Variants in SUPT3H observed in about 807,000 individuals in gnomAD.
SUPT3H encodes SPT3 homolog, SAGA and STAGA complex component.
A neutral mutation model predicts 44.3 loss-of-function variants in SUPT3H; 44 were observed. That is an observed-to-expected ratio of 0.99 (90% CI 0.78 to 1.28). The LOEUF is 1.28. Among genes scored for constraint, SUPT3H ranks in the 50% most tolerant of loss-of-function variants. The probability of loss-of-function intolerance (pLI) is 0.00; values close to 1 mark genes in which losing one functional copy is unlikely to be tolerated. For synonymous variants in SUPT3H, 124 were observed against 125.6 expected (o/e 0.99, Z 0.09); for missense variants, 380 against 387.1 (o/e 0.98, Z 0.15).
chr6:44,939,204 T>G (rs1055307564), intron 9 of SUPT3H, among the ~76,000 whole-genome samples: 76 of 152,190 alleles, frequency 5.0e-4, no homozygotes, highest in African/African-American at 1.4e-3. Flanking sequence ...GGCTGTGGGT[T>G]TGTAGTATAT....
intron 9 of SUPT3H, among the ~76,000 whole-genome samples, chr6:44,939,330 A>G (rs1401537338): frequency 3.1e-5 from 4 of 130,804 alleles, no homozygotes; most frequent in Non-Finnish European, 6.8e-5. Flanking sequence ...GATAATCACG[A>G]TTTTTGTCCT....
chr6:45,133,619 T>C (rs987463272), intron 2 of SUPT3H, among the ~76,000 whole-genome samples: 1 of 152,160 alleles, frequency 6.6e-6, no homozygotes, highest in African/African-American at 2.4e-5. Flanking sequence ...AAATCTGAGA[T>C]GTGATTATTC....
intron 2 of SUPT3H, among the ~76,000 whole-genome samples, chr6:45,230,686 A>ATATATATATATATATATATTT (rs796866510): frequency 8.6e-6 from 1 of 116,794 alleles, no homozygotes; most frequent in Admixed American, 8.9e-5. Context: ...ATATATATAT[A>ATATATATATATATATATATTT]TTTTTGAGAT....
At chr6:45,328,716 A>T (rs781491444) in intron 2 of SUPT3H, 1 of 1,598,816 alleles carries the variant, frequency 6.3e-7, no homozygotes, top group Non-Finnish European at 8.6e-7. Context: ...CTGAAAAAAA[A>T]AGGAGGGACT....
chr6:45,114,105 T>C (rs1227806871), intron 2 of SUPT3H, among the ~76,000 whole-genome samples: 3 of 151,958 alleles, frequency 2.0e-5, no homozygotes, highest in East Asian at 3.8e-4. Context: ...ACAAATATAC[T>C]AATATACATA....
At chr6:44,914,179 A>G (rs956050490) in intron 10 of SUPT3H, among the ~76,000 whole-genome samples, 1 of 152,234 alleles carries the variant, frequency 6.6e-6, no homozygotes, top group Non-Finnish European at 1.5e-5. Context: ...TGTTTTATAC[A>G]TATTACCTAG....
intron 2 of SUPT3H, among the ~76,000 whole-genome samples, chr6:45,119,843 A>AT (rs923225597): frequency 4.6e-5 from 7 of 152,010 alleles, no homozygotes; most frequent in Non-Finnish European, 7.4e-5. Flanking sequence ...TTAATGATTT[A>AT]TTTTTTTTAA....
intron 2 of SUPT3H, among the ~76,000 whole-genome samples, chr6:45,288,317 G>T (rs929565065): frequency 6.6e-6 from 1 of 151,806 alleles, no homozygotes; most frequent in African/African-American, 2.4e-5. Flanking sequence ...TTTATTAAGA[G>T]ACTTAAGGAT....
chr6:45,224,182 A>T (rs1282730559), intron 2 of SUPT3H, among the ~76,000 whole-genome samples: 1 of 151,782 alleles, frequency 6.6e-6, no homozygotes, highest in African/African-American at 2.4e-5. Flanking sequence ...AACTAATATC[A>T]TTCTTACCAC....
chr6:44,928,882 CA>C (rs35656937), intron 10 of SUPT3H, among the ~76,000 whole-genome samples: 1 of 20,650 alleles, frequency 4.8e-5, no homozygotes, highest in East Asian at 1.7e-3. Context: ...GACTCCGTCT[CA>C]AAAAAAAAAA....
At chr6:45,040,897 T>C (rs957190928) in intron 3 of SUPT3H, among the ~76,000 whole-genome samples, 3 of 152,214 alleles carry the variant, frequency 2.0e-5, no homozygotes, top group African/African-American at 7.2e-5. Context: ...GGCCAAGTAA[T>C]TGGACCCCAA....
At chr6:45,229,949 C>T (rs552067276) in intron 2 of SUPT3H, among the ~76,000 whole-genome samples, 4 of 152,156 alleles carry the variant, frequency 2.6e-5, no homozygotes, top group Admixed American at 2.6e-4. Flanking sequence ...ACATTTGTAC[C>T]CATAACCAAC....
At chr6:45,299,516 TTTTA>T (rs1180491039) in intron 2 of SUPT3H, among the ~76,000 whole-genome samples, 1 of 152,162 alleles carries the variant, frequency 6.6e-6, no homozygotes, top group East Asian at 1.9e-4. Flanking sequence ...AAAAGTTCAA[TTTTA>T]TTTATCTTTT....
At chr6:44,945,931 C>T (rs1773269797) in intron 9 of SUPT3H, among the ~76,000 whole-genome samples, 1 of 152,132 alleles carries the variant, frequency 6.6e-6, no homozygotes, top group Admixed American at 6.5e-5. Flanking sequence ...GAAATCAATG[C>T]CTGGCTTCAA....
intron 10 of SUPT3H, among the ~76,000 whole-genome samples, chr6:44,919,234 G>A (rs1335340817): frequency 2.0e-5 from 3 of 152,074 alleles, no homozygotes; most frequent in African/African-American, 7.2e-5. Context: ...GCTAATCAAA[G>A]TTTAGGAAAA....
At chr6:44,815,037 T>A (rs1446763476) in intron 11 of SUPT3H, among the ~76,000 whole-genome samples, 1 of 152,132 alleles carries the variant, frequency 6.6e-6, no homozygotes, top group Non-Finnish European at 1.5e-5. Flanking sequence ...GAGAAAGTGT[T>A]ACTATAGGTT....
At chr6:45,103,926 T>C (rs1233638209) in intron 3 of SUPT3H, among the ~76,000 whole-genome samples, 2 of 152,046 alleles carry the variant, frequency 1.3e-5, no homozygotes, top group African/African-American at 4.8e-5. Flanking sequence ...AATATTAGAA[T>C]GACATATTCA....
chr6:44,850,361 C>T (rs570704782), intron 10 of SUPT3H, among the ~76,000 whole-genome samples: 1 of 152,166 alleles, frequency 6.6e-6, no homozygotes, highest in African/African-American at 2.4e-5. Flanking sequence ...TCAGAAATTC[C>T]CTGGTGGGGC....
chr6:45,227,026 A>AAT (rs1296202314), intron 2 of SUPT3H, among the ~76,000 whole-genome samples: 5 of 149,116 alleles, frequency 3.4e-5, no homozygotes, highest in Non-Finnish European at 7.4e-5. Context: ...ATATATACTA[A>AAT]ATATATATAT....
Sources: gnomAD v4.1 joint callset for allele counts (sites outside exome capture counted in the v4.1 genomes callset) on GRCh38, gnomAD v4.1.1 for gene constraint, MANE v1.5 for transcripts, NCBI Gene and HGNC (gene_info 2026-07-23, HGNC 2026-07-21) for gene names.